The following MPC2 variants were observed in gnomAD, a reference collection of about 807,000 sequenced individuals.
MPC2 encodes mitochondrial pyruvate carrier 2, also known as brain protein 44.
MPC2 carries 19 observed loss-of-function variants against 19.2 expected under a neutral mutation model. The observed-to-expected ratio is 0.99, with a 90% CI of 0.69 to 1.45. The LOEUF (loss-of-function observed/expected upper bound fraction) is 1.45, where lower values mean the gene tolerates loss of function less well. MPC2 is among the 40% of genes most tolerant of loss of function. The pLI is 0.00. For synonymous variants in MPC2, 61 were observed against 54.3 expected (o/e 1.12, Z -0.54); for missense variants, 122 against 153.0 (o/e 0.80, Z 1.07).
chr1:167,932,785 G>C (rs985503505), intron 2 of MPC2, among the ~76,000 whole-genome samples: 1 of 147,460 alleles, frequency 6.8e-6, no homozygotes, highest in African/African-American at 2.5e-5. Context: ...CTCCAACCTA[G>C]GGAACAGAGC....
chr1:167,928,418 CT>C (rs1177370506), intron 2 of MPC2, among the ~76,000 whole-genome samples: 6 of 151,522 alleles, frequency 4.0e-5, no homozygotes, highest in Middle Eastern at 3.5e-3. Context: ...CATTTCTTAG[CT>C]TTTTTTTCCT....
Position 167,918,440 on chromosome 1 carries a change from C to T in MPC2, c.348-81G>A, listed in dbSNP as rs754875111. Reference sequence around the variant, plus strand: ...TAAGGAGAGAATGGGAAGCATACTCCATTTCTTCTTTCTTGGTGGTCAAGT... The same window carrying T: ...TAAGGAGAGAATGGGAAGCATACTCTATTTCTTCTTTCTTGGTGGTCAAGT... On this transcript the variant is annotated intron_variant, in intron 5 of 5. Coordinates refer to ENST00000271373, the MANE Select transcript of MPC2 (RefSeq NM_001143674.4). The T allele has an allele frequency of 1.5e-4, 137 of 886,902 alleles. No individual in the cohort carries two copies. The Middle Eastern group carries it at 2.0e-3, about 13-fold the overall frequency. 54.9% of individuals were successfully genotyped at this position (886,902 alleles called of 1,614,324 possible).
At position 167,936,988 on chromosome 1, in the gene MPC2, G is replaced by A; in HGVS notation, c.-107C>T. Reference sequence around the variant, plus strand: ...TCCCTCGGGCTGGAGGACCCGTCCCGGCTGCGGAGTCGCTACCTGGGTGAG... The same window carrying A: ...TCCCTCGGGCTGGAGGACCCGTCCCAGCTGCGGAGTCGCTACCTGGGTGAG... On this transcript the variant is annotated 5_prime_UTR_variant, in exon 1 of 6. Transcript: ENST00000271373. The A allele has an allele frequency of 1.2e-6, 2 of 1,610,450 alleles. No individual in the cohort carries two copies. Among genetic ancestry groups the A allele is most frequent in the East Asian group, 2.2e-5 (1 of 44,770 alleles).
chr1:167,919,076 A>G (rs1220486653), intron 5 of MPC2, among the ~76,000 whole-genome samples: 1 of 152,246 alleles, frequency 6.6e-6, no homozygotes, highest in Non-Finnish European at 1.5e-5. Context: ...ACCTTTCCTA[A>G]GAATAAGATC....
intron 2 of MPC2, among the ~76,000 whole-genome samples, chr1:167,934,933 GT>G (rs538033402): frequency 6.7e-6 from 1 of 149,172 alleles, no homozygotes; most frequent in South Asian, 2.1e-4. Flanking sequence ...GTTTCTTACA[GT>G]TTTTTTTTTC....
intron 1 of MPC2, 96 bp downstream of exon 1, chr1:167,936,843 G>A: frequency 7.4e-7 from 1 of 1,347,926 alleles, no homozygotes; most frequent in Non-Finnish European, 1.0e-6. Context: ...GTGTTGAAAC[G>A]GGTGTCCCCT....
intron 5 of MPC2, among the ~76,000 whole-genome samples, chr1:167,918,930 T>A (rs1185292989): frequency 6.6e-6 from 1 of 152,082 alleles, no homozygotes; most frequent in Admixed American, 6.5e-5. Flanking sequence ...ACATATAGTT[T>A]CCTGTGCAAA....
intron 2 of MPC2, among the ~76,000 whole-genome samples, chr1:167,927,298 T>C (rs977884495): frequency 9.2e-5 from 14 of 152,236 alleles, no homozygotes; most frequent in African/African-American, 2.9e-4. Context: ...CTGAGTCTGA[T>C]GCCATAATGC....
rs1286219332 is a variant in MPC2, at chr1:167,917,485, C to G, written c.*838G>C. On this transcript the variant is annotated 3_prime_UTR_variant, in exon 6 of 6. Coordinates refer to ENST00000271373, the MANE Select transcript of MPC2 (RefSeq NM_001143674.4). The stretch of plus-strand genomic sequence containing the variant: ...TGGTGGTGTGTGCCTGTAGTCCCAG[C>G]TGCTCGGGAGGCTGAGGCAGGAGGA... 6.6e-6 allele frequency: 1 copy of G among 152,122 alleles called. No individual in the cohort carries two copies. The highest frequency in any genetic ancestry group is 2.4e-5 in the African/African-American group (1 of 41,306). 9.4% of individuals were successfully genotyped at this position (152,122 alleles called of 1,614,324 possible). A position where few individuals can be genotyped will look rare whatever the true frequency, so the allele number is the denominator to read the frequency against.
intron 2 of MPC2, among the ~76,000 whole-genome samples, chr1:167,935,009 G>C (rs1397221451): frequency 6.6e-6 from 1 of 151,810 alleles, no homozygotes; most frequent in Non-Finnish European, 1.5e-5. Context: ...CATTTACAAA[G>C]AGTCAAGCAC....
In MPC2 at chr1:167,924,548, A is replaced by AG; in HGVS notation, c.110-12_110-11insC. On this transcript the variant is annotated splice_polypyrimidine_tract_variant and intron_variant, in intron 2 of 5. Transcript: ENST00000271373. ...AAACTGTTCTGGGACCTGAAAAAAA[A>AG]AAGAAAAGAAAAATTCAGGAATAAA... is the stretch of plus-strand genomic sequence containing the variant. 1 of 1,516,278 alleles carries AG rather than the reference A, an allele frequency of 6.6e-7. No individual in the cohort carries two copies. The highest frequency in any genetic ancestry group is 8.8e-7 in the Non-Finnish European group (1 of 1,135,360). The allele number at this position is 1,516,278 out of a possible 1,614,324, so 93.9% of individuals were successfully genotyped here.
chr1:167,936,859 T>TCCTCCCCTCCCCCA lies in MPC2; in HGVS notation c.-58+66_-58+79dup, dbSNP rs1671313606. 4 of 771,106 alleles carry TCCTCCCCTCCCCCA rather than the reference T, an allele frequency of 5.2e-6. No homozygotes were observed. In the Admixed American group the frequency reaches 8.8e-5, roughly 17 times the overall value. The allele number at this position is 771,106 out of a possible 1,614,324, so 47.8% of individuals were successfully genotyped here. A position where few individuals can be genotyped will look rare whatever the true frequency, so the allele number is the denominator to read the frequency against. On this transcript the variant is annotated intron_variant, in intron 1 of 5. Coordinates refer to ENST00000271373, the MANE Select transcript of MPC2 (RefSeq NM_001143674.4). Reference sequence around the variant, plus strand: ...TGTTGAAACGGGTGTCCCCTCCCCCTCCTCCCCTCCCCCACGCGGTGGTCT... The same window carrying TCCTCCCCTCCCCCA: ...TGTTGAAACGGGTGTCCCCTCCCCCTCCTCCCCTCCCCCACCTCCCCTCCCCCACGCGGTGGTCT...
chr1:167,925,692 G>A (rs1262467793), intron 2 of MPC2, among the ~76,000 whole-genome samples: 3 of 150,914 alleles, frequency 2.0e-5, no homozygotes, highest in Non-Finnish European at 4.4e-5. Context: ...GATTACAGGC[G>A]CCTGCCACCA....
At chr1:167,926,506 A>G (rs1670758333) in intron 2 of MPC2, among the ~76,000 whole-genome samples, 1 of 152,266 alleles carries the variant, frequency 6.6e-6, no homozygotes, top group Non-Finnish European at 1.5e-5. Context: ...ACTGAGTTTC[A>G]GAATATATAA....
rs1040898092 is a variant in MPC2, at chr1:167,916,913, A to G, written c.*1410T>C. 4 of 152,234 alleles carry G rather than the reference A, an allele frequency of 2.6e-5. No homozygotes were observed. Among genetic ancestry groups the G allele is most frequent in the African/African-American group, 7.2e-5 (3 of 41,470 alleles). 9.4% of individuals were successfully genotyped at this position (152,234 alleles called of 1,614,324 possible). ...CTTCAGAACCTCTTCATTGTGGCCTATGTCAAGCTCTCTAATCTTTTCTCC... is the reference window on the plus strand; with the variant it reads ...CTTCAGAACCTCTTCATTGTGGCCTGTGTCAAGCTCTCTAATCTTTTCTCC... On this transcript the variant is annotated 3_prime_UTR_variant, in exon 6 of 6. Transcript: ENST00000271373.
chr1:167,927,770 GCCCTTC>G (rs1483303254), intron 2 of MPC2, among the ~76,000 whole-genome samples: 1 of 151,996 alleles, frequency 6.6e-6, no homozygotes, highest in Non-Finnish European at 1.5e-5. Flanking sequence ...ATTAACAACA[GCCCTTC>G]CCCACCAAAC....
chr1:167,918,121 A>G lies in MPC2; in HGVS notation c.*202T>C. ...GACAAATGGTAGAAAAATGTTACTAATATCCATAGATAAGTTCCTTAAGTC... is the reference window on the plus strand; with the variant it reads ...GACAAATGGTAGAAAAATGTTACTAGTATCCATAGATAAGTTCCTTAAGTC... On this transcript the variant is annotated 3_prime_UTR_variant, in exon 6 of 6. Coordinates refer to ENST00000271373, the MANE Select transcript of MPC2 (RefSeq NM_001143674.4). 2.2e-6 allele frequency: 1 copy of G among 449,200 alleles called. No individual in the cohort carries two copies. Among genetic ancestry groups the G allele is most frequent in the East Asian group, 3.5e-5 (1 of 28,550 alleles). 27.8% of individuals were successfully genotyped at this position (449,200 alleles called of 1,614,324 possible).
At chr1:167,936,912 A>G in intron 1 of MPC2, 27 bp downstream of exon 1, 4 of 1,564,510 alleles carry the variant, frequency 2.6e-6, no homozygotes, top group Non-Finnish European at 3.5e-6. Context: ...AGGCAGAGCC[A>G]TGTCTCGGGG....
chr1:167,922,450 T>C lies in MPC2; in HGVS notation c.151-1819A>G, dbSNP rs558570970. Among the ~76,000 whole-genome samples, 176 of 152,254 alleles carry C rather than the reference T, an allele frequency of 1.2e-3. 1 individual carries two copies. Among genetic ancestry groups the C allele is most frequent in the Non-Finnish European group, 1.5e-3 (100 of 67,990 alleles). ...GATGAAATCACTCAAACTCTTTTAATGATTGAATACTTCAGCAATCAATTC... is the reference window on the plus strand; with the variant it reads ...GATGAAATCACTCAAACTCTTTTAACGATTGAATACTTCAGCAATCAATTC... On this transcript the variant is annotated intron_variant, in intron 3 of 5. Coordinates refer to ENST00000271373, the MANE Select transcript of MPC2 (RefSeq NM_001143674.4).
Sources: gnomAD v4.1 joint callset for allele counts (sites outside exome capture counted in the v4.1 genomes callset) on GRCh38, gnomAD v4.1.1 for gene constraint, MANE v1.5 for transcripts, NCBI Gene and HGNC (gene_info 2026-07-23, HGNC 2026-07-21) for gene names.